Variants in NRG3 observed in about 807,000 individuals in gnomAD.
NRG3 encodes the protein pro-neuregulin-3, membrane-bound isoform.
A neutral mutation model predicts 66.9 loss-of-function variants in NRG3; 31 were observed. That is an observed-to-expected ratio of 0.46 (90% CI 0.35 to 0.63). NRG3 has a LOEUF of 0.63. Among genes scored for constraint, NRG3 ranks in the 20% least tolerant of loss-of-function variants. The pLI, the probability that NRG3 is intolerant of heterozygous loss-of-function variation, is 0.00. For missense variants in NRG3, 910 were observed against 878.9 expected (o/e 1.04, Z -0.45); for synonymous variants, 393 against 359.4 (o/e 1.09, Z -1.06).
intron 2 of NRG3, among the ~76,000 whole-genome samples, chr10:82,642,098 C>G (rs529127857): frequency 6.6e-6 from 1 of 152,078 alleles, no homozygotes; most frequent in Non-Finnish European, 1.5e-5. Context: ...TGAGAACATG[C>G]GGTACTTTCT....
chr10:82,061,539 A>G (rs1387749087), intron 1 of NRG3, among the ~76,000 whole-genome samples: 1 of 152,114 alleles, frequency 6.6e-6, no homozygotes, highest in East Asian at 1.9e-4. Context: ...CTCTACCTCC[A>G]GCTCCCGTGC....
chr10:81,986,674 T>G (rs2060530589), intron 1 of NRG3, among the ~76,000 whole-genome samples: 1 of 152,216 alleles, frequency 6.6e-6, no homozygotes, highest in African/African-American at 2.4e-5. Context: ...GCACAATGTC[T>G]TATTCATTTG....
chr10:82,212,267 T>A (rs2075436158), intron 1 of NRG3, among the ~76,000 whole-genome samples: 1 of 152,198 alleles, frequency 6.6e-6, no homozygotes, highest in South Asian at 2.1e-4. Flanking sequence ...AACACATGCA[T>A]GTAAATTGTG....
intron 1 of NRG3, among the ~76,000 whole-genome samples, chr10:82,137,693 A>C (rs577696502): frequency 1.3e-5 from 2 of 152,346 alleles, no homozygotes; most frequent in South Asian, 4.1e-4. Flanking sequence ...CAAAAAACAT[A>C]ACCCAGGCTT....
In NRG3 at chr10:81,875,580, G is replaced by A. The variant is rs200386386; in HGVS notation, c.240G>A (p.Gly80=). The A allele has an allele frequency of 1.7e-4, 279 of 1,613,498 alleles. No homozygotes were observed. The Middle Eastern group carries it at 2.3e-3, about 13-fold the overall frequency. ...TGTTCATCGGCTTCATCGGCCTGGGGCTCAGCCTCATGCTTCTCAAATGGA... is the reference window on the plus strand; with the variant it reads ...TGTTCATCGGCTTCATCGGCCTGGGACTCAGCCTCATGCTTCTCAAATGGA... ...VPLFIGFIGL[G]LSLMLLKWIV... is the part of the protein sequence containing the mutation. Residue 80 remains glycine, a synonymous_variant, in exon 1 of 9, where the codon GGG becomes GGA. Coordinates refer to ENST00000372141, the MANE Select transcript of NRG3 (RefSeq NM_001010848.4). The surrounding 1 kb of genome is among the most constrained non-coding windows in gnomAD (Gnocchi z 5.3).
At chr10:82,565,171 T>C (rs577137339) in intron 2 of NRG3, among the ~76,000 whole-genome samples, 1 of 152,078 alleles carries the variant, frequency 6.6e-6, no homozygotes, top group South Asian at 2.1e-4. Flanking sequence ...ATGGAAGACT[T>C]GAATGTGAAG....
rs1238118778 is a variant in NRG3 at position 82,651,718 on chromosome 10, G to A, written c.954-86859G>A. Among the ~76,000 whole-genome samples the A allele has an allele frequency of 2.0e-5, 3 of 152,232 alleles. No individual in the cohort carries two copies. In the East Asian group the frequency reaches 5.8e-4, roughly 29 times the overall value. ...TAGAGACATTTTGGTTGTCACAACT[G>A]GGAGGTGGGGGTAATACTAGCGTGT... On this transcript the variant is annotated intron_variant, in intron 2 of 8. Transcript: ENST00000372141.
intron 2 of NRG3, among the ~76,000 whole-genome samples, chr10:82,478,778 C>T (rs1746875742): frequency 6.6e-6 from 1 of 152,132 alleles, no homozygotes; most frequent in South Asian, 2.1e-4. Context: ...CTTTTATATG[C>T]CACGCCAGTT....
rs1014866706 is a variant in NRG3, at chr10:81,899,983, T to C, written c.823+23820T>C. Among the ~76,000 whole-genome samples the C allele has an allele frequency of 1.1e-4, 17 of 152,196 alleles. No homozygotes were observed. In the South Asian group the frequency reaches 1.7e-3, roughly 15 times the overall value. On this transcript the variant is annotated intron_variant, in intron 1 of 8. Transcript: ENST00000372141. ...TAGGTTTTTCTTTCTTTTTTTTTTT[T>C]TCTTTTTATTTTGATGGAATTTTGC...
Position 82,730,139 on chromosome 10 carries a change from G to A in NRG3, c.954-8438G>A, listed in dbSNP as rs565042206. The stretch of plus-strand genomic sequence containing the variant: ...CTCGCTCTGTCACCCAGGCTGGAGC[G>A]CAGGGGGTCGATCTCGGCCAATGCA... On this transcript the variant is annotated intron_variant, in intron 2 of 8. Transcript: ENST00000372141. 2.2e-4 allele frequency among the ~76,000 whole-genome samples: 33 copies of A among 146,728 alleles called. No individual in the cohort carries two copies. The South Asian group carries it at 4.7e-3, about 21-fold the overall frequency.
chr10:82,397,505 A>G (rs1224485205), intron 2 of NRG3, among the ~76,000 whole-genome samples: 1 of 152,214 alleles, frequency 6.6e-6, no homozygotes, highest in Non-Finnish European at 1.5e-5. Flanking sequence ...TGATCTGAAT[A>G]TGTATCATTG....
chr10:82,139,526 G>A lies in NRG3; in HGVS notation c.824-219213G>A, dbSNP rs555834036. The stretch of plus-strand genomic sequence containing the variant: ...TGAACTGACTAGATACAAGTAGCCC[G>A]TTAAGTCCTCATTGTCCAATCTGAA... On this transcript the variant is annotated intron_variant, in intron 1 of 8. Transcript: ENST00000372141. Among the ~76,000 whole-genome samples, 18 of 152,200 alleles carry A rather than the reference G, an allele frequency of 1.2e-4. No individual in the cohort carries two copies. In the East Asian group the frequency reaches 3.1e-3, roughly 26 times the overall value.
At position 82,641,452 on chromosome 10, in the gene NRG3, A is replaced by G. The variant is rs529089590; in HGVS notation, c.954-97125A>G. 2.0e-5 allele frequency among the ~76,000 whole-genome samples: 3 copies of G among 152,318 alleles called. No homozygotes were observed. The East Asian group carries it at 5.8e-4, about 29-fold the overall frequency. On this transcript the variant is annotated intron_variant, in intron 2 of 8. Transcript: ENST00000372141. ...TTGCAATGCTATTTTTTCACTAAAA[A>G]CAAGTAAAGAAACAAGCAAGTAAAG... is the stretch of plus-strand genomic sequence containing the variant.
At chr10:82,474,970 A>C (rs1841629126) in intron 2 of NRG3, among the ~76,000 whole-genome samples, 1 of 151,964 alleles carries the variant, frequency 6.6e-6, no homozygotes, top group South Asian at 2.1e-4. Context: ...TGGTGTATTT[A>C]ATGTGCCGAA....
intron 2 of NRG3, among the ~76,000 whole-genome samples, chr10:82,456,981 C>G (rs757705585): frequency 1.3e-5 from 2 of 152,056 alleles, no homozygotes; most frequent in Non-Finnish European, 2.9e-5. Flanking sequence ...CCTTGGAATG[C>G]CTGCGATCAT....
At chr10:82,809,078 G>T (rs565490684) in intron 3 of NRG3, among the ~76,000 whole-genome samples, 1 of 152,204 alleles carries the variant, frequency 6.6e-6, no homozygotes, top group Admixed American at 6.5e-5. Context: ...GGACAAGAGG[G>T]TCAAGGCCAG....
intron 2 of NRG3, among the ~76,000 whole-genome samples, chr10:82,466,607 T>G (rs1381681476): frequency 1.3e-5 from 2 of 152,110 alleles, no homozygotes; most frequent in East Asian, 3.8e-4. Context: ...GGATGCTGCC[T>G]GAAGAACCCA....
At chr10:82,817,872 A>G (rs1449591189) in intron 3 of NRG3, among the ~76,000 whole-genome samples, 1 of 152,260 alleles carries the variant, frequency 6.6e-6, no homozygotes, top group Non-Finnish European at 1.5e-5. Context: ...TGCTCAGGTT[A>G]GAAAGACAGA....
chr10:82,664,117 C>A (rs1200364217), intron 2 of NRG3, among the ~76,000 whole-genome samples: 3 of 152,098 alleles, frequency 2.0e-5, no homozygotes, highest in Admixed American at 6.5e-5. Flanking sequence ...ACCTTTACCC[C>A]CATGCTTCTA....
Sources: gnomAD v4.1 joint callset for allele counts (sites outside exome capture counted in the v4.1 genomes callset) on GRCh38, gnomAD v4.1.1 for gene constraint, Gnocchi (gnomAD v3.1) non-coding constraint, MANE v1.5 for transcripts, NCBI Gene and HGNC (gene_info 2026-07-23, HGNC 2026-07-21) for gene names.